Variants in HCN4 observed in about 807,000 individuals in gnomAD.
The protein encoded by HCN4 is hyperpolarization activated cyclic nucleotide gated potassium channel 4.
Under a neutral mutation model 76.9 loss-of-function variants are expected in HCN4, and 29 were observed. That is an observed-to-expected ratio of 0.38 (90% confidence interval 0.28 to 0.51). HCN4 has a LOEUF of 0.51. Ranked by LOEUF, HCN4 falls within the 20% of genes least tolerant of loss-of-function variation. HCN4 has a pLI of 0.90. For missense variants in HCN4, 1,416 were observed against 1,715.2 expected (o/e 0.83, Z 3.08); for synonymous variants, 772 against 762.5 (o/e 1.01, Z -0.21).
chr15:73,334,791 G>A (rs1027540462), intron 2 of HCN4, among the ~76,000 whole-genome samples: 10 of 152,136 alleles, frequency 6.6e-5, no homozygotes, highest in African/African-American at 2.2e-4. Context: ...CGTCATAGAC[G>A]CAAGGGTGGG....
chr15:73,356,485 T>A (rs932301869), intron 1 of HCN4, among the ~76,000 whole-genome samples: 1 of 150,572 alleles, frequency 6.6e-6, no homozygotes, highest in African/African-American at 2.5e-5. Flanking sequence ...AATGCTGGGA[T>A]TACAGGAGTG....
At position 73,323,819 on chromosome 15, in the gene HCN4, G is replaced by A. The variant is rs749766433; in HGVS notation, c.2274C>T (p.Arg758=). Residue 758 remains arginine (R), a synonymous_variant, in exon 8 of 8, where the codon CGC becomes CGT. Transcript: ENST00000261917. ...GGGTGGCAGAGGCAGCAGCCTGGAC[G>A]CGGTGCGCGCAGTGGGCCATCTCCC... The part of the protein sequence containing the change: ...HDREMAHCAH[R]VQAAASATPT... 6.8e-6 allele frequency: 11 copies of A among 1,606,518 alleles called. No individual in the cohort carries two copies. Among genetic ancestry groups the A allele is most frequent in the Admixed American group, 5.0e-5 (3 of 60,024 alleles).
intron 1 of HCN4, among the ~76,000 whole-genome samples, chr15:73,359,552 C>T (rs2043096065): frequency 6.6e-6 from 1 of 152,104 alleles, no homozygotes; most frequent in South Asian, 2.1e-4. Flanking sequence ...AGCCTTGGTA[C>T]CTCAGCAAGG....
chr15:73,341,204 T>A (rs983431106), intron 2 of HCN4: 2 of 152,042 alleles, frequency 1.3e-5, no homozygotes, highest in Non-Finnish European at 2.9e-5. Flanking sequence ...AGTGGTGCGA[T>A]CTTGGCTCAC....
Position 73,325,254 on chromosome 15 carries a change from G to T in HCN4, c.1737+44C>A. The T allele has an allele frequency of 6.2e-7, 1 of 1,614,124 alleles. No individual in the cohort carries two copies. Among genetic ancestry groups the T allele is most frequent in the Non-Finnish European group, 8.5e-7 (1 of 1,179,998 alleles). On this transcript the variant is annotated intron_variant, in intron 5 of 7. Coordinates refer to ENST00000261917, the MANE Select transcript of HCN4 (RefSeq NM_005477.3). This position sits in a 1 kb window ranked among gnomAD's most constrained non-coding sequence, Gnocchi z 7.4. Reference sequence around the variant, plus strand: ...AGGTGGTGAGGGGAGCTGGCTGCCAGGAAGGCCTGGCTCCCCTCCACGCCG... The same window carrying T: ...AGGTGGTGAGGGGAGCTGGCTGCCATGAAGGCCTGGCTCCCCTCCACGCCG...
At chr15:73,340,911 C>T (rs1399329294) in intron 2 of HCN4, 1 of 152,232 alleles carries the variant, frequency 6.6e-6, no homozygotes, top group Non-Finnish European at 1.5e-5. Flanking sequence ...GACAGGAGGC[C>T]TAGGCCAAAA....
At chr15:73,349,689 A>G (rs546045707) in intron 1 of HCN4, among the ~76,000 whole-genome samples, 1 of 152,240 alleles carries the variant, frequency 6.6e-6, no homozygotes, top group East Asian at 1.9e-4. Context: ...TCCTAAGGAC[A>G]TCACTCTTCC....
chr15:73,362,926 C>T (rs535013424), intron 1 of HCN4, among the ~76,000 whole-genome samples: 1 of 152,310 alleles, frequency 6.6e-6, no homozygotes, highest in South Asian at 2.1e-4. Context: ...CTGCCCCTAT[C>T]GGGTTTTTGT....
intron 1 of HCN4, among the ~76,000 whole-genome samples, chr15:73,345,623 G>T (rs995163751): frequency 1.3e-5 from 2 of 152,134 alleles, no homozygotes; most frequent in Non-Finnish European, 2.9e-5. Context: ...CAGCCACATA[G>T]ACCTCACTCA....
chr15:73,353,007 T>A (rs1038720288), intron 1 of HCN4, among the ~76,000 whole-genome samples: 16 of 106,694 alleles, frequency 1.5e-4, no homozygotes, highest in African/African-American at 4.6e-4. Flanking sequence ...GATGGACAGA[T>A]GGATGGATGG....
intron 1 of HCN4, among the ~76,000 whole-genome samples, chr15:73,353,779 G>A (rs967042212): frequency 2.0e-5 from 3 of 152,158 alleles, no homozygotes; most frequent in Admixed American, 6.5e-5. Context: ...GCCTCCCCCT[G>A]TACCCTCAGG....
intron 1 of HCN4, among the ~76,000 whole-genome samples, chr15:73,348,361 C>T (rs933821720): frequency 6.6e-5 from 10 of 152,238 alleles, no homozygotes; most frequent in Non-Finnish European, 1.2e-4. Flanking sequence ...CATATATACA[C>T]GCATGCACAT....
intron 1 of HCN4, among the ~76,000 whole-genome samples, chr15:73,345,389 T>G (rs2043025133): frequency 6.6e-6 from 1 of 152,144 alleles, no homozygotes; most frequent in Non-Finnish European, 1.5e-5. Flanking sequence ...TAAGGCCGGA[T>G]GCCAAGAGGC....
chr15:73,325,276 G>A lies in HCN4; in HGVS notation c.1737+22C>T, dbSNP rs773996957. On this transcript the variant is annotated intron_variant, in intron 5 of 7. Coordinates refer to ENST00000261917, the MANE Select transcript of HCN4 (RefSeq NM_005477.3). The surrounding 1 kb of genome is among the most constrained non-coding windows in gnomAD (Gnocchi z 7.4). ...CCAGGAAGGCCTGGCTCCCCTCCAC[G>A]CCGGGCCGCCACACAGCTCACCTCC... 3.2e-5 allele frequency: 51 copies of A among 1,613,948 alleles called. No individual in the cohort carries two copies. Among genetic ancestry groups the A allele is most frequent in the South Asian group, 1.3e-4 (12 of 91,072 alleles).
chr15:73,360,310 T>C (rs1481991584), intron 1 of HCN4, among the ~76,000 whole-genome samples: 2 of 152,182 alleles, frequency 1.3e-5, no homozygotes, highest in Non-Finnish European at 2.9e-5. Context: ...ACCCACTTGG[T>C]CTCTGGTTTC....
At chr15:73,360,911 C>A (rs185816647) in intron 1 of HCN4, among the ~76,000 whole-genome samples, 3 of 152,276 alleles carry the variant, frequency 2.0e-5, no homozygotes, top group Admixed American at 2.0e-4. Flanking sequence ...GTGGCCTTAG[C>A]GACAGCTGGG....
rs2151216969 is a variant in HCN4 at position 73,329,591 on chromosome 15, C to A, written c.1572G>T (p.Arg524=). The A allele has an allele frequency of 6.2e-7, 1 of 1,614,068 alleles. No individual in the cohort carries two copies. The highest frequency in any genetic ancestry group is 8.5e-7 in the Non-Finnish European group (1 of 1,179,972). The stretch of plus-strand genomic sequence containing the variant: ...GACCTACCTTTTCCTGGTACTGGCG[C>A]CGGGAGGAGTCCAGGGACTGGATGA... The part of the protein sequence containing the change: ...TALIQSLDSS[R]RQYQEKYKQV... The change falls in exon 4 of 8, where the codon CGG becomes CGT. Residue 524 remains arginine, a synonymous_variant. Transcript: ENST00000261917.
At position 73,343,145 on chromosome 15, in the gene HCN4, G is replaced by A. The variant is rs1355589838; in HGVS notation, c.1209+240C>T. 6.6e-6 allele frequency among the ~76,000 whole-genome samples: 1 copy of A among 152,188 alleles called. No homozygotes were observed. The highest frequency in any genetic ancestry group is 1.5e-5 in the Non-Finnish European group (1 of 68,040). ...GTCTGTTTCTTCAGGTGAAAAATGA[G>A]TATATACATGTACCTATATGGTTCC... is the stretch of plus-strand genomic sequence containing the variant. On this transcript the variant is annotated intron_variant, in intron 2 of 7. Transcript: ENST00000261917. This position sits in a 1 kb window ranked among gnomAD's most constrained non-coding sequence, Gnocchi z 5.7.
intron 1 of HCN4, among the ~76,000 whole-genome samples, chr15:73,366,745 G>A (rs2043130004): frequency 6.6e-6 from 1 of 152,236 alleles, no homozygotes; most frequent in Admixed American, 6.5e-5. Context: ...GCTGGAGCTT[G>A]GGTCTCTGGG....
Sources: allele counts gnomAD v4.1 joint callset (sites outside exome capture counted in the v4.1 genomes callset), GRCh38; gene constraint gnomAD v4.1.1; non-coding constraint Gnocchi (gnomAD v3.1); transcripts MANE v1.5; gene names NCBI Gene and HGNC (gene_info 2026-07-23, HGNC 2026-07-21).